ABHD18: variants seen among roughly 807,000 people sequenced by gnomAD.
ABHD18 encodes abhydrolase domain containing 18.
A neutral mutation model predicts 65.9 loss-of-function variants in ABHD18; 55 were observed. That is an observed-to-expected ratio of 0.84 (90% CI 0.67 to 1.05). The LOEUF (loss-of-function observed/expected upper bound fraction) is 1.05. ABHD18 is among the 50% of genes least tolerant of loss of function. The pLI, the probability that ABHD18 is intolerant of heterozygous loss-of-function variation, is 0.00. For missense variants in ABHD18, 533 were observed against 558.5 expected (o/e 0.95, Z 0.46); for synonymous variants, 181 against 180.2 (o/e 1.00, Z -0.04).
At position 128,011,186 on chromosome 4, in the gene ABHD18, GC is replaced by G. The variant is rs1408681843; in HGVS notation, c.443-483del. Among the ~76,000 whole-genome samples, 6 of 143,268 alleles carry G rather than the reference GC, an allele frequency of 4.2e-5. No homozygotes were observed. In the East Asian group the frequency reaches 1.0e-3, roughly 24 times the overall value. 94.0% of individuals were successfully genotyped at this position (143,268 alleles called of 152,430 possible). A position where few individuals can be genotyped will look rare whatever the true frequency, so the allele number is the denominator to read the frequency against. ...TTTTTTGAGACGGACTCTCGCTGTC[GC>G]CCCAGGCTGGAGTGCAGTGGCACAA... On this transcript the variant is annotated intron_variant, in intron 6 of 12. Transcript: ENST00000645843.
chr4:128,013,064 CAAAAAAAAAAA>C (rs1199459823), intron 7 of ABHD18, among the ~76,000 whole-genome samples: 1 of 60,482 alleles, frequency 1.7e-5, no homozygotes, highest in African/African-American at 6.4e-5. Context: ...GACTCCATCC[CAAAAAAAAAAA>C]AAAAAAAAAA....
At chr4:127,966,667 G>A (rs911736561) in intron 1 of ABHD18, among the ~76,000 whole-genome samples, 5 of 117,724 alleles carry the variant, frequency 4.2e-5, no homozygotes, top group Non-Finnish European at 8.1e-5. Context: ...GACCATCCTG[G>A]CTAACACGGT....
chr4:128,015,864 T>A (rs1368990297), intron 7 of ABHD18, among the ~76,000 whole-genome samples: 1 of 152,148 alleles, frequency 6.6e-6, no homozygotes. Context: ...AAGTAGATTC[T>A]AATTTGGTCA....
chr4:127,975,799 TTTAC>T (rs1747802753), intron 1 of ABHD18, among the ~76,000 whole-genome samples: 5 of 152,208 alleles, frequency 3.3e-5, no homozygotes, highest in African/African-American at 7.2e-5. Flanking sequence ...GTTGGGATAA[TTTAC>T]TTATTTATTT....
chr4:128,011,486 T>C (rs1280220544), intron 6 of ABHD18, among the ~76,000 whole-genome samples, 187 bp from the exon 7 acceptor site: 1 of 151,394 alleles, frequency 6.6e-6, no homozygotes, highest in Admixed American at 6.6e-5. Flanking sequence ...CTGGTTTTTT[T>C]TTTTTTTTTA....
chr4:128,006,200 A>G (rs1470186624), intron 4 of ABHD18, among the ~76,000 whole-genome samples: 1 of 152,220 alleles, frequency 6.6e-6, no homozygotes, highest in Non-Finnish European at 1.5e-5. Flanking sequence ...CTCCAATAAA[A>G]AATTCCTATT....
At chr4:127,972,842 A>G (rs925786857) in intron 1 of ABHD18, among the ~76,000 whole-genome samples, 1 of 152,082 alleles carries the variant, frequency 6.6e-6, no homozygotes. Context: ...CGCATTTCAG[A>G]AGTTAGTTTG....
chr4:127,986,364 G>A lies in ABHD18; in HGVS notation c.177+1941G>A, dbSNP rs191682475. Among the ~76,000 whole-genome samples the A allele has an allele frequency of 1.4e-4, 22 of 152,196 alleles. No homozygotes were observed. The East Asian group carries it at 3.9e-3, about 27-fold the overall frequency. Reference sequence around the variant, plus strand: ...TGTGTCAGTACTTCTTTTTGTTTTTGTTTTTATAGCATCAGAACATTCAAG... The same window carrying A: ...TGTGTCAGTACTTCTTTTTGTTTTTATTTTTATAGCATCAGAACATTCAAG... On this transcript the variant is annotated intron_variant, in intron 3 of 12. Coordinates refer to ENST00000645843, the MANE Select transcript of ABHD18 (RefSeq NM_001358451.3).
Position 128,017,376 on chromosome 4 carries a change from A to G in ABHD18, c.484A>G (p.Lys162Glu), listed in dbSNP as rs762868585. 6.2e-7 allele frequency: 1 copy of G among 1,613,730 alleles called. No homozygotes were observed. Among genetic ancestry groups the G allele is most frequent in the Non-Finnish European group, 8.5e-7 (1 of 1,179,798 alleles). The change falls in exon 8 of 13, where the codon AAA (lysine) becomes GAA (glutamate). Residue 162 changes from lysine (K) to glutamate (E), a missense_variant. Coordinates refer to ENST00000645843, the MANE Select transcript of ABHD18 (RefSeq NM_001358451.3). Reference protein sequence around the residue: ...KPKDQVRSSLKNVSDLFVMGG... With the variant: ...KPKDQVRSSLENVSDLFVMGG... ...TTGTGAGGCTAGAAGGTCCAGCTTA[A>G]AAAATGTGTCCGACCTTTTTGTGAT...
chr4:127,975,756 A>G (rs1747791359), intron 1 of ABHD18, among the ~76,000 whole-genome samples: 1 of 152,180 alleles, frequency 6.6e-6, no homozygotes, highest in Non-Finnish European at 1.5e-5. Context: ...TTTTAAATCA[A>G]TATTTGCATT....
chr4:128,031,568 C>G (rs1758223537), intron 12 of ABHD18, among the ~76,000 whole-genome samples: 1 of 152,092 alleles, frequency 6.6e-6, no homozygotes, highest in South Asian at 2.1e-4. Context: ...TAAATTGATT[C>G]ACATAAATGG....
rs151139617 is a variant in ABHD18 at position 128,007,513 on chromosome 4, G to A, written c.279-1407G>A. ...TCCCAGCACTTTGGGAGGCTAAGGC[G>A]GGAGGATCACTTGAGTCTAGGAGTT... On this transcript the variant is annotated intron_variant, in intron 4 of 12. Transcript: ENST00000645843. 9.2e-4 allele frequency among the ~76,000 whole-genome samples: 139 copies of A among 151,904 alleles called. No homozygotes were observed. The East Asian group carries it at 0.023, about 25-fold the overall frequency.
At chr4:128,018,928 C>T (rs917942587) in intron 8 of ABHD18, among the ~76,000 whole-genome samples, 2 of 150,858 alleles carry the variant, frequency 1.3e-5, no homozygotes, top group South Asian at 2.1e-4. Flanking sequence ...GCAGGAGAAT[C>T]GCCTGAACCC....
intron 4 of ABHD18, among the ~76,000 whole-genome samples, chr4:128,007,576 TA>T (rs199545237): frequency 0.016 from 2,413 of 150,248 alleles, 110 homozygotes; most frequent in East Asian, 0.099. Context: ...ACCCCATGTC[TA>T]AAAAAAATGA....
In ABHD18 at chr4:128,030,614, A is replaced by G; in HGVS notation, c.1285A>G (p.Ile429Val). The change falls in exon 12 of 13, where the codon ATC (isoleucine) becomes GTC (valine). Residue 429 changes from isoleucine (I) to valine (V), a missense_variant. This residue lies in a region of ABHD18 where 220 missense variants were observed against 226.8 expected (regional missense o/e 0.97). Coordinates refer to ENST00000645843, the MANE Select transcript of ABHD18 (RefSeq NM_001358451.3). ...SLQEIWPGCE[I>V]RYLEGGHISA... ...ACAAGAAATTTGGCCTGGTTGTGAA[A>G]TCCGATACTTAGAAGGGGGTCATAT... 1 of 1,607,382 alleles carries G rather than the reference A, an allele frequency of 6.2e-7. No individual in the cohort carries two copies. The highest frequency in any genetic ancestry group is 8.5e-7 in the Non-Finnish European group (1 of 1,178,860).
intron 10 of ABHD18, among the ~76,000 whole-genome samples, chr4:128,025,130 A>G (rs1333654563): frequency 1.3e-5 from 2 of 152,128 alleles, no homozygotes. Flanking sequence ...ACAAATAACA[A>G]CCTATATTGT....
Position 128,038,940 on chromosome 4 carries a change from C to T in ABHD18, c.*3127C>T, listed in dbSNP as rs1036344671. 1.3e-5 allele frequency: 2 copies of T among 151,636 alleles called. No individual in the cohort carries two copies. Among genetic ancestry groups the T allele is most frequent in the African/African-American group, 4.8e-5 (2 of 41,292 alleles). 9.4% of individuals were successfully genotyped at this position (151,636 alleles called of 1,614,324 possible). A position where few individuals can be genotyped will look rare whatever the true frequency, so the allele number is the denominator to read the frequency against. On this transcript the variant is annotated 3_prime_UTR_variant, in exon 13 of 13. Coordinates refer to ENST00000645843, the MANE Select transcript of ABHD18 (RefSeq NM_001358451.3). ...AATATATATATATCCCTAAAACTACCTCAGTTGAAGAATTCAAAGTGCAAA... is the reference window on the plus strand; with the variant it reads ...AATATATATATATCCCTAAAACTACTTCAGTTGAAGAATTCAAAGTGCAAA...
At chr4:127,971,532 T>C (rs985118107) in intron 1 of ABHD18, among the ~76,000 whole-genome samples, 1 of 120,602 alleles carries the variant, frequency 8.3e-6, no homozygotes, top group African/African-American at 3.1e-5. Context: ...GCTCTGTCGC[T>C]CAGGCTGGAG....
chr4:127,979,142 G>T (rs1224776790), intron 1 of ABHD18, among the ~76,000 whole-genome samples: 1 of 152,162 alleles, frequency 6.6e-6, no homozygotes, highest in Non-Finnish European at 1.5e-5. Context: ...AAATTTACCT[G>T]TTAAAAAGAT....
Sources: allele counts gnomAD v4.1 joint callset (sites outside exome capture counted in the v4.1 genomes callset), GRCh38; gene constraint gnomAD v4.1.1; regional missense constraint gnomAD v4.1.1; transcripts MANE v1.5; gene names NCBI Gene and HGNC (gene_info 2026-07-23, HGNC 2026-07-21).